DNAJC1: variants seen among roughly 807,000 people sequenced by gnomAD.
The protein encoded by DNAJC1 is dnaJ homolog subfamily C member 1.
A neutral mutation model predicts 76.6 loss-of-function variants in DNAJC1; 58 were observed. The ratio of observed to expected loss-of-function variants is 0.76; its 90% CI spans 0.61 to 0.94. The LOEUF (loss-of-function observed/expected upper bound fraction) is 0.94. Among genes scored for constraint, DNAJC1 ranks in the 40% least tolerant of loss-of-function variants. The pLI is 0.00. For synonymous variants in DNAJC1, 258 were observed against 267.9 expected (o/e 0.96, Z 0.36); for missense variants, 689 against 677.3 (o/e 1.02, Z -0.19).
At chr10:21,985,284 C>G (rs1192887639) in intron 1 of DNAJC1, among the ~76,000 whole-genome samples, 2 of 146,792 alleles carry the variant, frequency 1.4e-5, no homozygotes, top group East Asian at 4.0e-4. Flanking sequence ...GAGTCTCACT[C>G]TGTTGCCCAG....
intron 9 of DNAJC1, among the ~76,000 whole-genome samples, chr10:21,795,260 T>C (rs77353976): frequency 0.12 from 18,068 of 152,230 alleles, 1,446 homozygotes; most frequent in Non-Finnish European, 0.19. Flanking sequence ...GACCAATTAG[T>C]ATAGAATAAA....
intron 1 of DNAJC1, among the ~76,000 whole-genome samples, chr10:21,977,425 C>T (rs185898941): frequency 7.4e-4 from 112 of 152,196 alleles, no homozygotes; most frequent in Non-Finnish European, 1.2e-3. Flanking sequence ...TCCACGTGAA[C>T]TAAAATATGA....
chr10:21,878,405 A>T (rs1043019443), intron 8 of DNAJC1, among the ~76,000 whole-genome samples: 1 of 152,202 alleles, frequency 6.6e-6, no homozygotes, highest in African/African-American at 2.4e-5. Flanking sequence ...TGTGTGCTAC[A>T]GTTGATTTTA....
At chr10:21,946,245 T>A (rs1837503772) in intron 1 of DNAJC1, among the ~76,000 whole-genome samples, 1 of 151,850 alleles carries the variant, frequency 6.6e-6, no homozygotes, top group Admixed American at 6.6e-5. Context: ...TTTCATCGTG[T>A]TAGCCAGGAT....
rs71510915 is a variant in DNAJC1, at chr10:21,946,049, CTTTTT to C, written c.223-16913_223-16909del. Among the ~76,000 whole-genome samples, 16 of 93,324 alleles carry C rather than the reference CTTTTT, an allele frequency of 1.7e-4. No homozygotes were observed. The South Asian group carries it at 5.8e-3, about 34-fold the overall frequency. The allele number at this position is 93,324 out of a possible 152,430, so 61.2% of individuals were successfully genotyped here. ...ATAATTCAAATTCCTTTCTTTTCCTCTTTTTTTTTTTTTTTTTTTTTTGCTCTGTT... is the reference window on the plus strand; with the variant it reads ...ATAATTCAAATTCCTTTCTTTTCCTCTTTTTTTTTTTTTTTTTGCTCTGTT... On this transcript the variant is annotated intron_variant, in intron 1 of 11. Transcript: ENST00000376980.
At chr10:21,931,352 G>A (rs2131782929) in intron 1 of DNAJC1, among the ~76,000 whole-genome samples, 1 of 152,266 alleles carries the variant, frequency 6.6e-6, no homozygotes, top group South Asian at 2.1e-4. Context: ...TTCCTCTTGA[G>A]AATCTATCCA....
intron 8 of DNAJC1, among the ~76,000 whole-genome samples, chr10:21,829,508 G>A (rs551334272): frequency 7.9e-5 from 12 of 152,068 alleles, no homozygotes; most frequent in Non-Finnish European, 1.6e-4. Context: ...GAGCCAATGC[G>A]CCCAGCAATT....
At chr10:21,810,554 A>G (rs1287441413) in intron 8 of DNAJC1, among the ~76,000 whole-genome samples, 1 of 152,218 alleles carries the variant, frequency 6.6e-6, no homozygotes, top group Non-Finnish European at 1.5e-5. Context: ...TCATGAATTA[A>G]TTTTAAGTCT....
chr10:21,864,114 G>T (rs1002731328), intron 8 of DNAJC1, among the ~76,000 whole-genome samples: 2 of 152,074 alleles, frequency 1.3e-5, no homozygotes, highest in Non-Finnish European at 2.9e-5. Context: ...GGCTCAGGTG[G>T]GAGGCTTACT....
At chr10:21,931,934 T>C (rs888926096) in intron 1 of DNAJC1, among the ~76,000 whole-genome samples, 2 of 152,202 alleles carry the variant, frequency 1.3e-5, no homozygotes, top group Admixed American at 6.5e-5. Context: ...AAATGTGATA[T>C]GGCTCTTTGG....
chr10:21,818,527 C>T (rs566981386), intron 8 of DNAJC1, among the ~76,000 whole-genome samples: 1 of 152,264 alleles, frequency 6.6e-6, no homozygotes, highest in South Asian at 2.1e-4. Context: ...TTTTCGTATG[C>T]TCCCTCCCCT....
chr10:21,899,787 T>A (rs1173153974), intron 7 of DNAJC1, among the ~76,000 whole-genome samples: 1 of 152,086 alleles, frequency 6.6e-6, no homozygotes, highest in African/African-American at 2.4e-5. Context: ...GGGGGACCCT[T>A]CCTAGTCCAG....
chr10:21,827,019 C>A (rs1246237023), intron 8 of DNAJC1, among the ~76,000 whole-genome samples: 1 of 151,752 alleles, frequency 6.6e-6, no homozygotes, highest in East Asian at 1.9e-4. Flanking sequence ...GGGACTGCAC[C>A]GAATATGATT....
chr10:21,994,894 T>A (rs920998347), intron 1 of DNAJC1, among the ~76,000 whole-genome samples: 4 of 148,960 alleles, frequency 2.7e-5, no homozygotes, highest in Non-Finnish European at 4.5e-5. Flanking sequence ...ATTTCCAGAC[T>A]TCCTACTTTA....
At chr10:21,823,892 C>G (rs1835199458) in intron 8 of DNAJC1, among the ~76,000 whole-genome samples, 1 of 152,048 alleles carries the variant, frequency 6.6e-6, no homozygotes, top group Non-Finnish European at 1.5e-5. Context: ...CTATATAGTT[C>G]TTTTAATTTG....
At chr10:21,914,699 T>C (rs1422512447) in intron 6 of DNAJC1, among the ~76,000 whole-genome samples, 1 of 152,190 alleles carries the variant, frequency 6.6e-6, no homozygotes, top group African/African-American at 2.4e-5. Context: ...AAAAAGGCTG[T>C]TGTATAATGT....
intron 9 of DNAJC1, among the ~76,000 whole-genome samples, chr10:21,771,507 T>C (rs1834377004): frequency 6.6e-6 from 1 of 152,116 alleles, no homozygotes; most frequent in African/African-American, 2.4e-5. Context: ...TCAAACACTT[T>C]TTTTTTTTTG....
chr10:21,924,642 G>A (rs1837093340), intron 3 of DNAJC1, among the ~76,000 whole-genome samples: 1 of 152,190 alleles, frequency 6.6e-6, no homozygotes, highest in Non-Finnish European at 1.5e-5. Flanking sequence ...TTTAGAGAAG[G>A]CTGCTAAGCT....
intron 8 of DNAJC1, among the ~76,000 whole-genome samples, chr10:21,813,026 TACACACAC>T (rs149245778): frequency 6.0e-4 from 79 of 132,468 alleles, no homozygotes; most frequent in African/African-American, 1.7e-3. Flanking sequence ...TACACACACA[TACACACAC>T]ACACACACAC....
Sources: gnomAD v4.1 joint callset for allele counts (sites outside exome capture counted in the v4.1 genomes callset) on GRCh38, gnomAD v4.1.1 for gene constraint, MANE v1.5 for transcripts, NCBI Gene and HGNC (gene_info 2026-07-23, HGNC 2026-07-21) for gene names.